The following WDR6 variants were observed in gnomAD, a reference collection of about 807,000 sequenced individuals.
WDR6 encodes tRNA (34-2'-O)-methyltransferase regulator WDR6.
In WDR6, 58 loss-of-function variants were observed where a neutral mutation model predicts 85.6. The ratio of observed to expected loss-of-function variants is 0.68; its 90% CI spans 0.55 to 0.84. The LOEUF (loss-of-function observed/expected upper bound fraction) is 0.84, where lower values mean the gene tolerates loss of function less well. Among genes scored for constraint, WDR6 ranks in the 40% least tolerant of loss-of-function variants. WDR6 has a pLI of 0.00. For synonymous variants in WDR6, 569 were observed against 582.2 expected, an observed-to-expected ratio of 0.98 and a Z score of 0.33; for missense variants, 1,310 against 1,476.4, an observed-to-expected ratio of 0.89 and a Z score of 1.85.
chr3:49,012,374 C>T lies in WDR6; in HGVS notation c.840C>T (p.Cys280=). 1 of 1,614,158 alleles carries T rather than the reference C, an allele frequency of 6.2e-7. No homozygotes were observed. Among genetic ancestry groups the T allele is most frequent in the Non-Finnish European group, 8.5e-7 (1 of 1,180,034 alleles). Residue 280 remains cysteine, a synonymous_variant, in exon 2 of 6, where the codon TGC becomes TGT. Coordinates refer to ENST00000608424, the MANE Select transcript of WDR6 (RefSeq NM_018031.6). The surrounding 1 kb of genome is among the most constrained non-coding windows in gnomAD (Gnocchi z 4.4). ...YLISAGEDCV[C]LVWSHEGEIL... The stretch of plus-strand genomic sequence containing the variant: ...TCAGTGCAGGAGAGGATTGTGTCTG[C>T]TTGGTGTGGAGCCATGAAGGTGAGA...
In WDR6 at chr3:49,007,614, G is replaced by A; in HGVS notation, c.100+83G>A. On this transcript the variant is annotated intron_variant, in intron 1 of 5. Transcript: ENST00000608424. This position sits in a 1 kb window ranked among gnomAD's most constrained non-coding sequence, Gnocchi z 5.1. Reference sequence around the variant, plus strand: ...GGGGCGGTGCCACAGGGACAAAAGGGGTGCCCTGAGGAGAAGGACGGGCAG... The same window carrying A: ...GGGGCGGTGCCACAGGGACAAAAGGAGTGCCCTGAGGAGAAGGACGGGCAG... The A allele has an allele frequency of 6.9e-7, 1 of 1,448,762 alleles. No individual in the cohort carries two copies. The highest frequency in any genetic ancestry group is 9.1e-7 in the Non-Finnish European group (1 of 1,094,370). The allele number at this position is 1,448,762 out of a possible 1,614,324, so 89.7% of individuals were successfully genotyped here. A position where few individuals can be genotyped will look rare whatever the true frequency, so the allele number is the denominator to read the frequency against.
In WDR6 at chr3:49,014,171, T is replaced by A; in HGVS notation, c.2583-39T>A. ...ATGGGTCATGCAGATGCTCCCAGGCTTGCAGGCTCCACCTGACAGCTGCAT... is the reference window on the plus strand; with the variant it reads ...ATGGGTCATGCAGATGCTCCCAGGCATGCAGGCTCCACCTGACAGCTGCAT... On this transcript the variant is annotated intron_variant, in intron 2 of 5. Transcript: ENST00000608424. This position sits in a 1 kb window ranked among gnomAD's most constrained non-coding sequence, Gnocchi z 4.9. The A allele has an allele frequency of 6.2e-7, 1 of 1,614,158 alleles. No homozygotes were observed. The highest frequency in any genetic ancestry group is 8.5e-7 in the Non-Finnish European group (1 of 1,180,014).
intron 1 of WDR6, chr3:49,011,137 T>C (rs1016809693): frequency 2.4e-6 from 1 of 424,218 alleles, no homozygotes; most frequent in East Asian, 7.5e-5. Flanking sequence ...CAGGCTGGAG[T>C]GAAGTGGTAT....
chr3:49,007,537 G>C lies in WDR6; in HGVS notation c.100+6G>C. ...GGGGGACCGGCTGTTGGCGGGTGAG[G>C]CTTGGCTTGAGGCACGCCTGGTGGA... On this transcript the variant is annotated splice_donor_region_variant and intron_variant, in intron 1 of 5. Coordinates refer to ENST00000608424, the MANE Select transcript of WDR6 (RefSeq NM_018031.6). This position sits in a 1 kb window ranked among gnomAD's most constrained non-coding sequence, Gnocchi z 5.1. 6.3e-7 allele frequency: 1 copy of C among 1,587,574 alleles called. No homozygotes were observed. The highest frequency in any genetic ancestry group is 8.6e-7 in the Non-Finnish European group (1 of 1,160,290).
At position 49,014,662 on chromosome 3, in the gene WDR6, T is replaced by A; in HGVS notation, c.2846T>A (p.Met949Lys). ...GSLAFWDLTT[M>K]LDHDSTVLEP... The stretch of plus-strand genomic sequence containing the variant: ...CTGGCTTTCTGGGATCTCACCACCA[T>A]GCTAGACCATGACTCCACTGTCCTG... Residue 949 changes from methionine (M) to lysine (K), a missense_variant, in exon 5 of 6, where the codon ATG (methionine) becomes AAG (lysine). Physicochemically the swap from Met to Lys is moderately conservative, Grantham distance 95 (BLOSUM62 -1). Coordinates refer to ENST00000608424, the MANE Select transcript of WDR6 (RefSeq NM_018031.6). This position sits in a 1 kb window ranked among gnomAD's most constrained non-coding sequence, Gnocchi z 4.9. 6.2e-7 allele frequency: 1 copy of A among 1,613,624 alleles called. No individual in the cohort carries two copies. The highest frequency in any genetic ancestry group is 8.5e-7 in the Non-Finnish European group (1 of 1,180,006).
Position 49,014,925 on chromosome 3 carries a change from C to T in WDR6, c.3003C>T (p.Gly1001=). The T allele has an allele frequency of 6.2e-7, 1 of 1,614,132 alleles. No individual in the cohort carries two copies. The highest frequency in any genetic ancestry group is 8.5e-7 in the Non-Finnish European group (1 of 1,180,002). The stretch of plus-strand genomic sequence containing the variant: ...AGGGCCACCATCTCGTGGCCAGTGG[C>T]AGTGAAGATGGATCCCTCCATGTCT... ...TREGHHLVAS[G]SEDGSLHVFV... Residue 1001 remains glycine (G), a synonymous_variant, in exon 6 of 6, where the codon GGC becomes GGT. Transcript: ENST00000608424. This position sits in a 1 kb window ranked among gnomAD's most constrained non-coding sequence, Gnocchi z 4.9.
At position 49,015,885 on chromosome 3, in the gene WDR6, A is replaced by C. The variant is rs757396708; in HGVS notation, c.*597A>C. The C allele has an allele frequency of 1.1e-5, 17 of 1,614,064 alleles. No homozygotes were observed. Among genetic ancestry groups the C allele is most frequent in the Non-Finnish European group, 1.2e-5 (14 of 1,180,040 alleles). On this transcript the variant is annotated 3_prime_UTR_variant, in exon 6 of 6. Transcript: ENST00000608424. The stretch of plus-strand genomic sequence containing the variant: ...GGAACTTGCATATCTAGAGACAGAG[A>C]CTGAGTCACTGGCCCATCTCTTTGC...
Position 49,014,386 on chromosome 3 carries a change from C to CT in WDR6, c.2673dup (p.Leu892SerfsTer14). ...TGGGCCACCCCCCGCCCCCCAGGCTCTTTCTTTTGCAGGATTCTGGGCGGA... is the reference window on the plus strand; with the variant it reads ...TGGGCCACCCCCCGCCCCCCAGGCTCTTTTCTTTTGCAGGATTCTGGGCGGA... On this transcript the variant is annotated frameshift_variant, in exon 4 of 6. Transcript: ENST00000608424. LOFTEE classifies it high-confidence loss of function. This position sits in a 1 kb window ranked among gnomAD's most constrained non-coding sequence, Gnocchi z 4.9. 2 of 1,614,132 alleles carry CT rather than the reference C, an allele frequency of 1.2e-6. No homozygotes were observed. Among genetic ancestry groups the CT allele is most frequent in the South Asian group, 2.2e-5 (2 of 91,078 alleles).
In WDR6 at chr3:49,014,215, T is replaced by C; in HGVS notation, c.2588T>C (p.Met863Thr). 1.2e-6 allele frequency: 2 copies of C among 1,614,142 alleles called. No homozygotes were observed. Among genetic ancestry groups the C allele is most frequent in the Non-Finnish European group, 1.7e-6 (2 of 1,180,028 alleles). ...GCTGCATGTTGTCTCTGCAGGTACA[T>C]GTCCCTTGCTGTGTGTGAACTTGAC... ...MVKVDPETRY[M>T]SLAVCELDQP... is the part of the protein sequence containing the mutation. The change falls in exon 3 of 6, where the codon ATG becomes ACG. Residue 863 changes from methionine to threonine, a missense_variant. By Grantham distance (81) the Met-to-Thr change is moderately conservative. Coordinates refer to ENST00000608424, the MANE Select transcript of WDR6 (RefSeq NM_018031.6). The surrounding 1 kb of genome is among the most constrained non-coding windows in gnomAD (Gnocchi z 4.9).
At position 49,012,661 on chromosome 3, in the gene WDR6, T is replaced by C. The variant is rs2093023763; in HGVS notation, c.1127T>C (p.Val376Ala). Reference protein sequence around the residue: ...TDTGALYLYDVEVKCWEQLLE... With the variant: ...TDTGALYLYDAEVKCWEQLLE... ...ACAGGGGCCCTGTATCTCTATGACG[T>C]CGAGGTCAAGTGCTGGGAGCAGCTG... Residue 376 changes from valine (V) to alanine (A), a missense_variant, in exon 2 of 6, where the codon GTC becomes GCC. Physicochemically the swap from Val to Ala is moderately conservative, Grantham distance 64. Coordinates refer to ENST00000608424, the MANE Select transcript of WDR6 (RefSeq NM_018031.6). The surrounding 1 kb of genome is among the most constrained non-coding windows in gnomAD (Gnocchi z 4.4). 3 of 1,613,934 alleles carry C rather than the reference T, an allele frequency of 1.9e-6. No homozygotes were observed. The highest frequency in any genetic ancestry group is 8.5e-7 in the Non-Finnish European group (1 of 1,179,954).
Position 49,012,172 on chromosome 3 carries a change from T to G in WDR6, c.638T>G (p.Phe213Cys). ...RRISGHVGII[F>C]SMSYLESKGL... is the part of the protein sequence containing the mutation. ...ATCAGTGGGCATGTGGGCATCATCT[T>G]CAGCATGTCATACCTGGAAAGCAAG... Residue 213 changes from phenylalanine (F) to cysteine (C), a missense_variant, in exon 2 of 6, where the codon TTC becomes TGC. Physicochemically the swap from Phe to Cys is radical, Grantham distance 205. Transcript: ENST00000608424. The surrounding 1 kb of genome is among the most constrained non-coding windows in gnomAD (Gnocchi z 4.4). The G allele has an allele frequency of 1.2e-6, 2 of 1,614,246 alleles. No homozygotes were observed. The highest frequency in any genetic ancestry group is 1.7e-6 in the Non-Finnish European group (2 of 1,180,048).
In WDR6 at chr3:49,015,126, G is replaced by A; in HGVS notation, c.3204G>A (p.Leu1068=). ...IMVSASIDQR[L]TFWRLGHGEP... The stretch of plus-strand genomic sequence containing the variant: ...TCTCAGCCTCCATTGATCAACGGCT[G>A]ACCTTCTGGCGTCTGGGGCATGGTG... The change falls in exon 6 of 6, where the codon CTG becomes CTA. Residue 1068 remains leucine, a synonymous_variant. Transcript: ENST00000608424. 1 of 1,613,994 alleles carries A rather than the reference G, an allele frequency of 6.2e-7. No homozygotes were observed. Among genetic ancestry groups the A allele is most frequent in the Non-Finnish European group, 8.5e-7 (1 of 1,180,040 alleles).
Position 49,013,065 on chromosome 3 carries a change from C to T in WDR6, c.1531C>T (p.Arg511Cys), listed in dbSNP as rs199498416. The change falls in exon 2 of 6, where the codon CGC becomes TGC. Residue 511 changes from arginine (R) to cysteine (C), a missense_variant. Transcript: ENST00000608424. The surrounding 1 kb of genome is among the most constrained non-coding windows in gnomAD (Gnocchi z 4.6). ...AGGTGACTTCCTGGTGTGTGGTGACCGCCGGGGCTCTGTGCTGCTATTCCC... is the reference window on the plus strand; with the variant it reads ...AGGTGACTTCCTGGTGTGTGGTGACTGCCGGGGCTCTGTGCTGCTATTCCC... ...PPGDFLVCGD[R>C]RGSVLLFPSR... 173 of 1,611,082 alleles carry T rather than the reference C, an allele frequency of 1.1e-4. No homozygotes were observed. Among genetic ancestry groups the T allele is most frequent in the East Asian group, 3.1e-4 (14 of 44,796 alleles).
In WDR6 at chr3:49,015,765, C is replaced by G. The variant is rs767760752; in HGVS notation, c.*477C>G. ...CTGCTTCCTTTGCCTTTACCCTATA[C>G]CTCTCTGCACGTCCCACCCCATTTT... On this transcript the variant is annotated 3_prime_UTR_variant, in exon 6 of 6. Transcript: ENST00000608424. The G allele has an allele frequency of 9.3e-6, 15 of 1,613,998 alleles. No homozygotes were observed. Among genetic ancestry groups the G allele is most frequent in the Non-Finnish European group, 1.3e-5 (15 of 1,180,022 alleles).
chr3:49,012,643 C>T lies in WDR6; in HGVS notation c.1109C>T (p.Ala370Val). 1 of 1,614,022 alleles carries T rather than the reference C, an allele frequency of 6.2e-7. No individual in the cohort carries two copies. Among genetic ancestry groups the T allele is most frequent in the Non-Finnish European group, 8.5e-7 (1 of 1,179,990 alleles). ...WRLLAVTDTG[A>V]LYLYDVEVKC... ...CTGCTGGCAGTGACTGATACAGGGG[C>T]CCTGTATCTCTATGACGTCGAGGTC... The change falls in exon 2 of 6, where the codon GCC becomes GTC. Residue 370 changes from alanine (A) to valine (V), a missense_variant. Ala to Val is a moderately conservative substitution (Grantham distance 64). Transcript: ENST00000608424. The surrounding 1 kb of genome is among the most constrained non-coding windows in gnomAD (Gnocchi z 4.4).
rs751491604 is a variant in WDR6, at chr3:49,013,235, C to T, written c.1701C>T (p.His567=). ...CAGTGTCTACCCTGCCCTCTCTGCACGGGAAGCAGGGTGTGACCTCAGTCA... is the reference window on the plus strand; with the variant it reads ...CAGTGTCTACCCTGCCCTCTCTGCATGGGAAGCAGGGTGTGACCTCAGTCA... ...LGPVSTLPSL[H]GKQGVTSVTC... is the part of the protein sequence containing the mutation. Residue 567 remains histidine, a synonymous_variant, in exon 2 of 6, where the codon CAC becomes CAT. Transcript: ENST00000608424. This position sits in a 1 kb window ranked among gnomAD's most constrained non-coding sequence, Gnocchi z 4.6. 17 of 1,613,828 alleles carry T rather than the reference C, an allele frequency of 1.1e-5. No homozygotes were observed. Among genetic ancestry groups the T allele is most frequent in the South Asian group, 5.5e-5 (5 of 91,078 alleles).
rs768288881 is a variant in WDR6 at position 49,015,729 on chromosome 3, G to C, written c.*441G>C. The C allele has an allele frequency of 1.9e-6, 3 of 1,613,990 alleles. No homozygotes were observed. Among genetic ancestry groups the C allele is most frequent in the Non-Finnish European group, 1.7e-6 (2 of 1,179,978 alleles). ...GCTCCTGAAAGAGAAAGGGCCTGCTGGTCTCATCCTCTGCTTCCTTTGCCT... is the reference window on the plus strand; with the variant it reads ...GCTCCTGAAAGAGAAAGGGCCTGCTCGTCTCATCCTCTGCTTCCTTTGCCT... On this transcript the variant is annotated 3_prime_UTR_variant, in exon 6 of 6. Transcript: ENST00000608424.
Position 49,013,754 on chromosome 3 carries a change from T to C in WDR6, c.2220T>C (p.Thr740=), listed in dbSNP as rs139410213. ...LEPGSEGPDL[T]DIVITCSEDT... ...CTGGCAGTGAGGGGCCCGACTTGAC[T>C]GACATTGTGATCACATGTAGTGAGG... Residue 740 remains threonine (T), a synonymous_variant, in exon 2 of 6, where the codon ACT becomes ACC. Coordinates refer to ENST00000608424, the MANE Select transcript of WDR6 (RefSeq NM_018031.6). The surrounding 1 kb of genome is among the most constrained non-coding windows in gnomAD (Gnocchi z 4.6). The C allele has an allele frequency of 3.3e-5, 53 of 1,613,964 alleles. No individual in the cohort carries two copies. In the African/African-American group the frequency reaches 6.1e-4, roughly 19 times the overall value.
chr3:49,012,800 C>A lies in WDR6; in HGVS notation c.1266C>A (p.Ile422=). 6.2e-7 allele frequency: 1 copy of A among 1,613,956 alleles called. No individual in the cohort carries two copies. The highest frequency in any genetic ancestry group is 8.5e-7 in the Non-Finnish European group (1 of 1,179,988). Residue 422 remains isoleucine (I), a synonymous_variant, in exon 2 of 6, where the codon ATC becomes ATA. Coordinates refer to ENST00000608424, the MANE Select transcript of WDR6 (RefSeq NM_018031.6). The surrounding 1 kb of genome is among the most constrained non-coding windows in gnomAD (Gnocchi z 4.4). ...AAGGTCGTGTCAAGGTTGTCCCCAT[C>A]AACACTCCAACTGCTGCTGTGGACC... is the stretch of plus-strand genomic sequence containing the variant. ...NGEGRVKVVP[I]NTPTAAVDQT...
Sources: gnomAD v4.1 joint callset for allele counts on GRCh38, gnomAD v4.1.1 for gene constraint, Gnocchi (gnomAD v3.1) non-coding constraint, MANE v1.5 for transcripts, NCBI Gene and HGNC (gene_info 2026-07-23, HGNC 2026-07-21) for gene names.